HNF4G: variants seen among roughly 807,000 people sequenced by gnomAD.
The protein encoded by HNF4G is hepatocyte nuclear factor 4 gamma, also known as hepatocyte nuclear factor 4-gamma.
In HNF4G, 21 loss-of-function variants were observed where a neutral mutation model predicts 50.9. The ratio of observed to expected loss-of-function variants is 0.41; its 90% CI spans 0.29 to 0.59. The LOEUF (loss-of-function observed/expected upper bound fraction) is 0.59, where lower values mean the gene tolerates loss of function less well. Among genes scored for constraint, HNF4G ranks in the 20% least tolerant of loss-of-function variants. The pLI is 0.26. For synonymous variants in HNF4G, 198 were observed against 185.6 expected, an observed-to-expected ratio of 1.07 and a Z score of -0.54; for missense variants, 527 against 559.4, an observed-to-expected ratio of 0.94 and a Z score of 0.58.
rs1811990978 is a variant in HNF4G at position 75,466,631 on chromosome 8, T to TC, written c.-143-23456dup. Reference sequence around the variant, plus strand: ...TTCCTTCCTTCCTTCCTTCCTTCCTTCCTTCTCCCTTCCCTTCCCTTCCCT... The same window carrying TC: ...TTCCTTCCTTCCTTCCTTCCTTCCTTCCCTTCTCCCTTCCCTTCCCTTCCCT... On this transcript the variant is annotated intron_variant, in intron 1 of 10. Transcript: ENST00000354370. Among the ~76,000 whole-genome samples, 507 of 52,380 alleles carry TC rather than the reference T, an allele frequency of 9.7e-3. 9 individuals are homozygous for TC. The highest frequency in any genetic ancestry group is 0.014 in the Non-Finnish European group (325 of 23,936). The allele number at this position is 52,380 out of a possible 152,430, so 34.4% of individuals were successfully genotyped here. A position where few individuals can be genotyped will look rare whatever the true frequency, so the allele number is the denominator to read the frequency against.
chr8:75,448,444 AG>A (rs1303716809), intron 1 of HNF4G, among the ~76,000 whole-genome samples: 1 of 121,488 alleles, frequency 8.2e-6, no homozygotes, highest in Admixed American at 8.6e-5. Flanking sequence ...AAAAAAAAAA[AG>A]TGTCAGACAT....
At chr8:75,520,413 CT>C (rs533393521) in intron 2 of HNF4G, among the ~76,000 whole-genome samples, 17 of 151,200 alleles carry the variant, frequency 1.1e-4, no homozygotes, top group African/African-American at 4.1e-4. Flanking sequence ...TACTTTCTTT[CT>C]CGTTCTTTCT....
rs1313695780 is a variant in HNF4G at position 75,564,732 on chromosome 8, A to C, written c.*636A>C. 6.6e-6 allele frequency: 1 copy of C among 152,206 alleles called. No homozygotes were observed. Among genetic ancestry groups the C allele is most frequent in the Non-Finnish European group, 1.5e-5 (1 of 68,026 alleles). 9.4% of individuals were successfully genotyped at this position (152,206 alleles called of 1,614,324 possible). A position where few individuals can be genotyped will look rare whatever the true frequency, so the allele number is the denominator to read the frequency against. On this transcript the variant is annotated 3_prime_UTR_variant, in exon 10 of 10. Coordinates refer to ENST00000396423, the MANE Select transcript of HNF4G (RefSeq NM_004133.5). ...TTTTGAAATCTGACTTTCTTTGAAG[A>C]TGTATGTTAAGCAAAAACATGTTGC...
At chr8:75,502,070 C>T (rs1471410208) in intron 2 of HNF4G, among the ~76,000 whole-genome samples, 1 of 152,114 alleles carries the variant, frequency 6.6e-6, no homozygotes, top group East Asian at 1.9e-4. Flanking sequence ...CCAGGATGGT[C>T]TTCATCTCCT....
At chr8:75,533,295 C>T (rs886128129) in intron 2 of HNF4G, among the ~76,000 whole-genome samples, 1 of 151,968 alleles carries the variant, frequency 6.6e-6, no homozygotes, top group African/African-American at 2.4e-5. Flanking sequence ...TCAGATTTTG[C>T]TGCACATTGG....
chr8:75,425,602 A>AT (rs1223417062), intron 1 of HNF4G, among the ~76,000 whole-genome samples: 1 of 147,962 alleles, frequency 6.8e-6, no homozygotes, highest in Non-Finnish European at 1.5e-5. Flanking sequence ...TATATTATAT[A>AT]TTTTTTATAT....
intron 1 of HNF4G, among the ~76,000 whole-genome samples, chr8:75,412,104 C>T (rs1585818529): frequency 1.3e-5 from 2 of 152,254 alleles, no homozygotes; most frequent in Middle Eastern, 6.8e-3. Flanking sequence ...CTTATAACTT[C>T]AGAAAATTGT....
intron 1 of HNF4G, among the ~76,000 whole-genome samples, chr8:75,483,282 A>G (rs1347657992): frequency 1.3e-5 from 2 of 152,146 alleles, no homozygotes; most frequent in Non-Finnish European, 2.9e-5. Flanking sequence ...ATCTTAATAA[A>G]TTAGTCAAGG....
intron 1 of HNF4G, among the ~76,000 whole-genome samples, chr8:75,488,418 C>T (rs978015035): frequency 1.3e-5 from 2 of 151,912 alleles, no homozygotes; most frequent in African/African-American, 2.4e-5. Context: ...GGACTACAGG[C>T]GTGTGCCACC....
chr8:75,423,740 T>A (rs1277383627), intron 1 of HNF4G, among the ~76,000 whole-genome samples: 1 of 151,480 alleles, frequency 6.6e-6, no homozygotes, highest in East Asian at 1.9e-4. Context: ...TTTAAAGAAT[T>A]TTTTAACATG....
rs375793613 is a variant in HNF4G, at chr8:75,435,600, G to A, written c.-144+27438G>A. 1.8e-3 allele frequency among the ~76,000 whole-genome samples: 279 copies of A among 152,150 alleles called. 6 individuals are homozygous for A. The South Asian group carries it at 0.054, about 29-fold the overall frequency. The stretch of plus-strand genomic sequence containing the variant: ...CTCTGAAAAGAAAAAAGTAATTTTT[G>A]TTGTTGTTGTTTTGAGACAGTCTCA... On this transcript the variant is annotated intron_variant, in intron 1 of 10. Transcript: ENST00000354370.
chr8:75,486,090 GC>G (rs760183804), intron 1 of HNF4G, among the ~76,000 whole-genome samples: 2 of 152,154 alleles, frequency 1.3e-5, no homozygotes, highest in Non-Finnish European at 2.9e-5. Flanking sequence ...AGGCCTTAAT[GC>G]CAGACTTACA....
At chr8:75,553,578 A>C (rs11989529) in intron 5 of HNF4G, among the ~76,000 whole-genome samples, 1 of 152,086 alleles carries the variant, frequency 6.6e-6, no homozygotes, top group African/African-American at 2.4e-5. Context: ...CGTTTACTGA[A>C]GCTGCTATAT....
At chr8:75,509,900 T>A (rs1388704787) in intron 2 of HNF4G, among the ~76,000 whole-genome samples, 3 of 152,250 alleles carry the variant, frequency 2.0e-5, no homozygotes. Flanking sequence ...GTTGCTGGTT[T>A]ATGTATTTAC....
intron 1 of HNF4G, among the ~76,000 whole-genome samples, chr8:75,439,908 G>C (rs142477996): frequency 1.3e-5 from 2 of 151,634 alleles, no homozygotes; most frequent in Admixed American, 1.3e-4. Flanking sequence ...GAAGCAACCA[G>C]AATATTGATT....
chr8:75,501,046 T>C (rs1485501290), intron 2 of HNF4G, among the ~76,000 whole-genome samples: 1 of 151,980 alleles, frequency 6.6e-6, no homozygotes, highest in Non-Finnish European at 1.5e-5. Flanking sequence ...TATATAATTA[T>C]ATTAGAATTT....
intron 3 of HNF4G, among the ~76,000 whole-genome samples, chr8:75,550,771 G>C (rs1162509456): frequency 6.6e-6 from 1 of 151,370 alleles, no homozygotes; most frequent in Admixed American, 6.6e-5. Flanking sequence ...TAATATATAG[G>C]ATTTCTTCAT....
chr8:75,478,018 C>G (rs964346246), intron 1 of HNF4G, among the ~76,000 whole-genome samples: 1 of 151,098 alleles, frequency 6.6e-6, no homozygotes, highest in Admixed American at 6.6e-5. Flanking sequence ...CATAAATATA[C>G]ATTGAAATTT....
At chr8:75,516,530 G>A (rs1805893132) in intron 2 of HNF4G, among the ~76,000 whole-genome samples, 2 of 152,090 alleles carry the variant, frequency 1.3e-5, no homozygotes, top group Non-Finnish European at 2.9e-5. Context: ...TGAATAGAAT[G>A]TTTATGCTGC....
Sources: allele counts gnomAD v4.1 joint callset (sites outside exome capture counted in the v4.1 genomes callset), GRCh38; gene constraint gnomAD v4.1.1; transcripts MANE v1.5; gene names NCBI Gene and HGNC (gene_info 2026-07-23, HGNC 2026-07-21).